The following LEKR1 variants were observed in gnomAD, a reference collection of about 807,000 sequenced individuals.
LEKR1 encodes the protein protein LEKR1.
In LEKR1, 59 loss-of-function variants were observed where a neutral mutation model predicts 72.4. That is an observed-to-expected ratio of 0.82 (90% CI 0.66 to 1.01). The LOEUF is 1.01. Among genes scored for constraint, LEKR1 ranks in the 50% least tolerant of loss-of-function variants. The pLI, the probability that LEKR1 is intolerant of heterozygous loss-of-function variation, is 0.00. For missense variants in LEKR1, 728 were observed against 759.2 expected, an observed-to-expected ratio of 0.96 and a Z score of 0.48; for synonymous variants, 257 against 263.2, an observed-to-expected ratio of 0.98 and a Z score of 0.23.
Position 156,920,718 on chromosome 3 carries a change from A to T in LEKR1, c.383+24A>T, listed in dbSNP as rs1047467117. The T allele has an allele frequency of 4.1e-6, 5 of 1,231,892 alleles. No individual in the cohort carries two copies. In the African/African-American group the frequency reaches 6.4e-5, roughly 16 times the overall value. 76.3% of individuals were successfully genotyped at this position (1,231,892 alleles called of 1,614,324 possible). The stretch of plus-strand genomic sequence containing the variant: ...AGGTAAGATTAAAGAACTGAAAATT[A>T]TAAAGATTGAAAAGATATGCTTAAT... On this transcript the variant is annotated intron_variant, in intron 4 of 12. Transcript: ENST00000356539.
chr3:156,899,849 T>TAC (rs1215162017), intron 3 of LEKR1, among the ~76,000 whole-genome samples: 64 of 151,654 alleles, frequency 4.2e-4, no homozygotes, highest in East Asian at 1.4e-3. Context: ...TATGTGTATA[T>TAC]ATGTATATGT....
chr3:156,952,644 AG>A (rs1184904802), intron 6 of LEKR1, among the ~76,000 whole-genome samples: 2 of 151,522 alleles, frequency 1.3e-5, no homozygotes, highest in African/African-American at 4.8e-5. Context: ...TCTAGAGACT[AG>A]TTTTCAATAT....
chr3:157,040,127 A>G (rs918433210), intron 12 of LEKR1, among the ~76,000 whole-genome samples: 3 of 152,216 alleles, frequency 2.0e-5, no homozygotes, highest in African/African-American at 7.2e-5. Context: ...AAGATACCAG[A>G]AAGTTGACAG....
chr3:156,999,461 G>A (rs1394151557), intron 9 of LEKR1, among the ~76,000 whole-genome samples: 7 of 150,744 alleles, frequency 4.6e-5, no homozygotes, highest in Non-Finnish European at 4.4e-5. Flanking sequence ...TCACCTATCC[G>A]CAGGTTTCAC....
chr3:156,857,810 C>T (rs149910270), intron 3 of LEKR1, among the ~76,000 whole-genome samples: 30 of 152,304 alleles, frequency 2.0e-4, no homozygotes, highest in Non-Finnish European at 3.7e-4. Flanking sequence ...TAGCTATTTG[C>T]GTCTGTGTTC....
At chr3:156,976,668 G>A (rs1271530436) in intron 6 of LEKR1, among the ~76,000 whole-genome samples, 1 of 152,068 alleles carries the variant, frequency 6.6e-6, no homozygotes, top group Non-Finnish European at 1.5e-5. Context: ...TAACAGATTT[G>A]TAGCCACACT....
At chr3:156,882,733 C>T (rs2108552967) in intron 3 of LEKR1, among the ~76,000 whole-genome samples, 3 of 152,248 alleles carry the variant, frequency 2.0e-5, no homozygotes, top group Admixed American at 2.0e-4. Flanking sequence ...TTCAGAATAG[C>T]AAAGACTTGG....
At chr3:156,886,471 AG>A (rs1251233431) in intron 3 of LEKR1, among the ~76,000 whole-genome samples, 1 of 152,094 alleles carries the variant, frequency 6.6e-6, no homozygotes, top group Non-Finnish European at 1.5e-5. Flanking sequence ...ACTCTGCTAA[AG>A]GAAATTTGTA....
rs564540091 is a variant in LEKR1, at chr3:157,013,596, C to T, written c.1203+2090C>T. ...TTTTCTATAGTATAAATGGACATTT[C>T]ATTTCGTTGAAAGGGCACGACTTCT... is the stretch of plus-strand genomic sequence containing the variant. On this transcript the variant is annotated intron_variant, in intron 10 of 12. Transcript: ENST00000356539. Among the ~76,000 whole-genome samples the T allele has an allele frequency of 1.4e-4, 22 of 152,140 alleles. No individual in the cohort carries two copies. The South Asian group carries it at 4.1e-3, about 29-fold the overall frequency.
At chr3:156,902,842 A>AAT (rs1213012483) in intron 3 of LEKR1, among the ~76,000 whole-genome samples, 1 of 152,038 alleles carries the variant, frequency 6.6e-6, no homozygotes, top group Non-Finnish European at 1.5e-5. Flanking sequence ...TTATTTTTAT[A>AAT]ATATATATAG....
chr3:156,971,071 G>A (rs557507793), intron 6 of LEKR1, among the ~76,000 whole-genome samples: 67 of 152,080 alleles, frequency 4.4e-4, no homozygotes, highest in African/African-American at 9.6e-4. Flanking sequence ...GAGGCATCAC[G>A]CTACCTGACT....
intron 3 of LEKR1, among the ~76,000 whole-genome samples, chr3:156,869,757 G>A (rs1251445855): frequency 1.4e-5 from 2 of 143,942 alleles, no homozygotes; most frequent in African/African-American, 5.2e-5. Context: ...GTGCTTTTGA[G>A]GTCTTAGCTA....
At chr3:156,959,095 G>A (rs1329815684) in intron 6 of LEKR1, among the ~76,000 whole-genome samples, 1 of 152,030 alleles carries the variant, frequency 6.6e-6, no homozygotes, top group Admixed American at 6.6e-5. Flanking sequence ...AGTCTTCTCA[G>A]ATATCATGTT....
chr3:156,965,220 CAT>C (rs924289533), intron 6 of LEKR1, among the ~76,000 whole-genome samples: 2 of 152,092 alleles, frequency 1.3e-5, no homozygotes, highest in African/African-American at 4.8e-5. Flanking sequence ...GGTAAACACA[CAT>C]ATACACACAC....
At chr3:156,991,491 T>TG (rs1368433160) in intron 7 of LEKR1, among the ~76,000 whole-genome samples, 1 of 152,148 alleles carries the variant, frequency 6.6e-6, no homozygotes, top group Non-Finnish European at 1.5e-5. Flanking sequence ...ATTCATTGTG[T>TG]GATTTACAAG....
In LEKR1 at chr3:156,984,398, C is replaced by T. The variant is rs74900261; in HGVS notation, c.827+5123C>T. ...GATTATGTAAAATATGTTTTCTGGC[C>T]GGGCGCAGTGCCTCATGCCTGTAAT... On this transcript the variant is annotated intron_variant, in intron 7 of 12. Coordinates refer to ENST00000356539, the MANE Select transcript of LEKR1 (RefSeq NM_001004316.3). Among the ~76,000 whole-genome samples the T allele has an allele frequency of 7.1e-3, 1,088 of 152,228 alleles. 21 individuals are homozygous for T. The highest frequency in any genetic ancestry group is 0.025 in the African/African-American group (1,042 of 41,542).
intron 4 of LEKR1, among the ~76,000 whole-genome samples, chr3:156,923,443 C>T (rs116521480): frequency 6.6e-6 from 1 of 152,312 alleles, no homozygotes; most frequent in Non-Finnish European, 1.5e-5. Flanking sequence ...GTTGTCTTTA[C>T]ATCTGGCTTT....
At position 157,046,041 on chromosome 3, in the gene LEKR1, G is replaced by A. The variant is rs974449878; in HGVS notation, c.*291G>A. 2 of 278,278 alleles carry A rather than the reference G, an allele frequency of 7.2e-6. No individual in the cohort carries two copies. Among genetic ancestry groups the A allele is most frequent in the Non-Finnish European group, 1.3e-5 (2 of 149,260 alleles). The allele number at this position is 278,278 out of a possible 1,614,324, so 17.2% of individuals were successfully genotyped here. A position where few individuals can be genotyped will look rare whatever the true frequency, so the allele number is the denominator to read the frequency against. ...GAATATAGCCTTTTAGAGATCACAG[G>A]TAAAATTTTTCACCCATAACATCTT... On this transcript the variant is annotated 3_prime_UTR_variant, in exon 13 of 13. Transcript: ENST00000356539.
chr3:156,987,022 C>CTATTGTATTGTATTGTATTGTATTG (rs67063525), intron 7 of LEKR1, among the ~76,000 whole-genome samples: 16 of 124,348 alleles, frequency 1.3e-4, no homozygotes, highest in South Asian at 3.1e-4. Context: ...AAATAGCTAG[C>CTATTGTATTGTATTGTATTGTATTG]TATTGTATTG....
Sources: allele counts gnomAD v4.1 joint callset (sites outside exome capture counted in the v4.1 genomes callset), GRCh38; gene constraint gnomAD v4.1.1; transcripts MANE v1.5; gene names NCBI Gene and HGNC (gene_info 2026-07-23, HGNC 2026-07-21).